The following DHX57 variants were observed in gnomAD, a reference collection of about 807,000 sequenced individuals.
DHX57 encodes the protein DExH-box helicase 57.
In DHX57, 105 loss-of-function variants were observed where a neutral mutation model predicts 156.2. That is an observed-to-expected ratio of 0.67 (90% CI 0.57 to 0.79). DHX57 has a LOEUF of 0.79. Ranked by LOEUF, DHX57 falls within the 30% of genes least tolerant of loss-of-function variation. The pLI, the probability that DHX57 is intolerant of heterozygous loss-of-function variation, is 0.00. For synonymous variants in DHX57, 704 were observed against 595.6 expected, an observed-to-expected ratio of 1.18 and a Z score of -2.65; for missense variants, 1,847 against 1,661.9, an observed-to-expected ratio of 1.11 and a Z score of -1.94.
chr2:38,840,357 G>A lies in DHX57; in HGVS notation c.2426-2410C>T, dbSNP rs114194758. Among the ~76,000 whole-genome samples, 391 of 151,072 alleles carry A rather than the reference G, an allele frequency of 2.6e-3. 1 individual carries two copies. Among genetic ancestry groups the A allele is most frequent in the Middle Eastern group, 0.01 (3 of 286 alleles). On this transcript the variant is annotated intron_variant, in intron 12 of 23. Transcript: ENST00000457308. ...ATTTAATTTTCTGAAAGGCGAAAGA[G>A]AACATTGAGATCAACAAATTCAAGG... is the stretch of plus-strand genomic sequence containing the variant.
chr2:38,798,518 T>A, intron 23 of DHX57, 76 bp from the exon 24 acceptor site: 1 of 1,455,202 alleles, frequency 6.9e-7, no homozygotes, highest in East Asian at 2.3e-5. Context: ...ATACCCAAGT[T>A]ATGATTACCA....
intron 19 of DHX57, 30 bp from the exon 20 acceptor site, chr2:38,815,685 G>C: frequency 6.2e-7 from 1 of 1,613,538 alleles, no homozygotes; most frequent in East Asian, 2.2e-5. Flanking sequence ...CTTTAAGCAA[G>C]GGCATCAGCA....
At chr2:38,846,448 C>T (rs1439738042) in intron 11 of DHX57, among the ~76,000 whole-genome samples, 3 of 151,228 alleles carry the variant, frequency 2.0e-5, no homozygotes, top group East Asian at 3.9e-4. Flanking sequence ...TAATGAGACC[C>T]GTCTCTACAA....
intron 11 of DHX57, among the ~76,000 whole-genome samples, chr2:38,843,981 A>G (rs1672141763): frequency 1.3e-5 from 2 of 152,120 alleles, no homozygotes; most frequent in African/African-American, 4.8e-5. Flanking sequence ...TTCTTGTTTT[A>G]TGTTTCATTT....
chr2:38,821,929 T>G (rs1160368709), intron 17 of DHX57, among the ~76,000 whole-genome samples: 4 of 152,072 alleles, frequency 2.6e-5, no homozygotes, highest in Non-Finnish European at 5.9e-5. Flanking sequence ...AAAAATAAAC[T>G]ATCACAACTG....
chr2:38,813,728 T>G, intron 21 of DHX57, 93 bp downstream of exon 21: 3 of 1,424,004 alleles, frequency 2.1e-6, no homozygotes, highest in Non-Finnish European at 2.9e-6. Flanking sequence ...CGTATATATC[T>G]CTTTAAGATG....
At chr2:38,804,646 G>A (rs188756148) in intron 22 of DHX57, among the ~76,000 whole-genome samples, 94 of 139,004 alleles carry the variant, frequency 6.8e-4, no homozygotes, top group African/African-American at 1.2e-3. Context: ...ACTCGTCCCC[G>A]TGCATCTCCC....
At chr2:38,862,369 C>G (rs771457098) in intron 3 of DHX57, 36 bp from the exon 4 acceptor site, 2 of 1,450,064 alleles carry the variant, frequency 1.4e-6, no homozygotes, top group South Asian at 3.3e-5. Context: ...TTAGATATTA[C>G]TTTCTACTTA....
chr2:38,866,066 G>C (rs193209583), intron 2 of DHX57, among the ~76,000 whole-genome samples: 7 of 125,362 alleles, frequency 5.6e-5, no homozygotes, highest in Non-Finnish European at 1.3e-4. Flanking sequence ...TCCTGGTGTG[G>C]GGCTATAACT....
chr2:38,859,768 C>T (rs1673091043), intron 5 of DHX57, among the ~76,000 whole-genome samples: 1 of 150,260 alleles, frequency 6.7e-6, no homozygotes, highest in Non-Finnish European at 1.5e-5. Context: ...ATAATACAAA[C>T]TTTTGTTTCT....
chr2:38,828,290 T>C lies in DHX57; in HGVS notation c.2639+50A>G, dbSNP rs1671207777. ...GGTCTAAAGAGGGTGATGATATCTT[T>C]AGAGGTAACTGCAATGGATGATTAA... On this transcript the variant is annotated intron_variant, in intron 14 of 23. Coordinates refer to ENST00000457308, the MANE Select transcript of DHX57 (RefSeq NM_198963.3). 9.7e-6 allele frequency: 14 copies of C among 1,441,184 alleles called. No individual in the cohort carries two copies. The East Asian group carries it at 2.3e-4, about 24-fold the overall frequency. 89.3% of individuals were successfully genotyped at this position (1,441,184 alleles called of 1,614,324 possible). A position where few individuals can be genotyped will look rare whatever the true frequency, so the allele number is the denominator to read the frequency against.
At chr2:38,872,130 T>C (rs989252158) in intron 1 of DHX57, among the ~76,000 whole-genome samples, 5 of 152,188 alleles carry the variant, frequency 3.3e-5, no homozygotes, top group African/African-American at 9.7e-5. Context: ...CACTGTTGCA[T>C]TGGAAATTAA....
At chr2:38,854,829 TGGGATTACA>T (rs1672798955) in intron 8 of DHX57, 2 of 385,400 alleles carry the variant, frequency 5.2e-6, no homozygotes, top group African/African-American at 4.1e-5. Flanking sequence ...CTCAAAGTGC[TGGGATTACA>T]GGTGTGAGCC....
At chr2:38,847,108 G>T in intron 10 of DHX57, 35 bp from the exon 11 acceptor site, 1 of 1,534,368 alleles carries the variant, frequency 6.5e-7, no homozygotes, top group South Asian at 1.1e-5. Context: ...GAAAGCCTGA[G>T]AACACCCATT....
chr2:38,820,153 T>C lies in DHX57; in HGVS notation c.3292-1009A>G, dbSNP rs79327800. Among the ~76,000 whole-genome samples the C allele has an allele frequency of 1.1e-3, 169 of 152,296 alleles. 1 individual carries two copies. Among genetic ancestry groups the C allele is most frequent in the African/African-American group, 3.7e-3 (155 of 41,576 alleles). On this transcript the variant is annotated intron_variant, in intron 17 of 23. Coordinates refer to ENST00000457308, the MANE Select transcript of DHX57 (RefSeq NM_198963.3). ...TATATTTAAATAATCTTATAACTAATACAATAGCAATAAAATTTTAATTTC... is the reference window on the plus strand; with the variant it reads ...TATATTTAAATAATCTTATAACTAACACAATAGCAATAAAATTTTAATTTC...
rs1437753174 is a variant in DHX57 at position 38,861,101 on chromosome 2, C to T, written c.1309G>A (p.Val437Met). ...CTAGAGGGTACTGGCAGAAAGTTCA[C>T]AGGAGGGTCACTATACTTGTGGTGG... is the stretch of plus-strand genomic sequence containing the variant. ...NTHHKYSDPP[V>M]NFLPVPSRTR... is the part of the protein sequence containing the mutation. Residue 437 changes from valine to methionine, a missense_variant, in exon 5 of 24, where the codon GTG becomes ATG. Transcript: ENST00000457308. 43 of 1,614,200 alleles carry T rather than the reference C, an allele frequency of 2.7e-5. No individual in the cohort carries two copies. The highest frequency in any genetic ancestry group is 3.5e-5 in the Non-Finnish European group (41 of 1,180,032).
chr2:38,813,101 T>A (rs1014407548), intron 21 of DHX57, among the ~76,000 whole-genome samples: 2 of 149,560 alleles, frequency 1.3e-5, no homozygotes, highest in Non-Finnish European at 3.0e-5. Context: ...CCAACTCGGC[T>A]TCCCAAAGTG....
At chr2:38,801,720 G>C (rs1035558812) in intron 23 of DHX57, among the ~76,000 whole-genome samples, 1 of 152,100 alleles carries the variant, frequency 6.6e-6, no homozygotes, top group Non-Finnish European at 1.5e-5. Context: ...TCAGCATCCT[G>C]AATAGCTGGG....
intron 13 of DHX57, among the ~76,000 whole-genome samples, chr2:38,832,573 T>C (rs1344082377): frequency 1.3e-5 from 2 of 151,054 alleles, no homozygotes; most frequent in Non-Finnish European, 2.9e-5. Context: ...AGAGACAGAG[T>C]CTTGCTCTGT....
Sources: gnomAD v4.1 joint callset for allele counts (sites outside exome capture counted in the v4.1 genomes callset) on GRCh38, gnomAD v4.1.1 for gene constraint, MANE v1.5 for transcripts, NCBI Gene and HGNC (gene_info 2026-07-23, HGNC 2026-07-21) for gene names.